The following ANTXR2 variants were observed in gnomAD, a reference collection of about 807,000 sequenced individuals.
ANTXR2 encodes the protein ANTXR cell adhesion molecule 2.
ANTXR2 carries 44 observed loss-of-function variants against 73.7 expected under a neutral mutation model. That is an observed-to-expected ratio of 0.60 (90% confidence interval 0.47 to 0.77). The LOEUF is 0.77. Ranked by LOEUF, ANTXR2 falls within the 30% of genes least tolerant of loss-of-function variation. The pLI is 0.00. For synonymous variants in ANTXR2, 217 were observed against 205.9 expected (o/e 1.05, Z -0.46); for missense variants, 604 against 592.5 (o/e 1.02, Z -0.20).
intron 16 of ANTXR2, among the ~76,000 whole-genome samples, chr4:79,925,287 C>CTT (rs34138950): frequency 0.12 from 17,288 of 143,894 alleles, 2,226 homozygotes; most frequent in East Asian, 0.66. Context: ...TCACTCTTTC[C>CTT]TTTTTTTTTT....
chr4:79,957,127 T>C (rs1728919585), intron 16 of ANTXR2, among the ~76,000 whole-genome samples: 1 of 152,130 alleles, frequency 6.6e-6, no homozygotes, highest in South Asian at 2.1e-4. Context: ...AACATTGAGA[T>C]AGGGCTAAGC....
chr4:79,931,094 G>C (rs555788110), intron 16 of ANTXR2, among the ~76,000 whole-genome samples: 1 of 152,140 alleles, frequency 6.6e-6, no homozygotes, highest in South Asian at 2.1e-4. Context: ...CAATTCGAGT[G>C]GTCTACCAAA....
At chr4:79,921,145 T>C (rs1001509743) in intron 16 of ANTXR2, among the ~76,000 whole-genome samples, 1 of 152,108 alleles carries the variant, frequency 6.6e-6, no homozygotes, top group African/African-American at 2.4e-5. Context: ...TAACACCACA[T>C]AGCAAAAAGT....
rs994630670 is a variant in ANTXR2 at position 79,903,450 on chromosome 4, T to A, written c.*3979A>T. 6.6e-6 allele frequency: 1 copy of A among 152,164 alleles called. No individual in the cohort carries two copies. The highest frequency in any genetic ancestry group is 1.5e-5 in the Non-Finnish European group (1 of 68,032). 9.4% of individuals were successfully genotyped at this position (152,164 alleles called of 1,614,324 possible). ...AAGCATATTTTTATACAAATTTACA[T>A]GTTGTACTGTGTACTTACTTATCAG... On this transcript the variant is annotated 3_prime_UTR_variant, in exon 17 of 17. Transcript: ENST00000403729.
At chr4:79,998,817 G>T (rs528502017) in intron 12 of ANTXR2, among the ~76,000 whole-genome samples, 1 of 152,036 alleles carries the variant, frequency 6.6e-6, no homozygotes, top group South Asian at 2.1e-4. Flanking sequence ...TCCCTTCATG[G>T]AACAGTTTGA....
At chr4:79,994,586 TCCTC>T (rs538552040) in intron 12 of ANTXR2, among the ~76,000 whole-genome samples, 1 of 151,642 alleles carries the variant, frequency 6.6e-6, no homozygotes, top group Non-Finnish European at 1.5e-5. Context: ...CCAACCCTGT[TCCTC>T]CTGAGAATTA....
chr4:80,052,045 G>A (rs1289770057), intron 7 of ANTXR2, among the ~76,000 whole-genome samples: 1 of 151,396 alleles, frequency 6.6e-6, no homozygotes, highest in East Asian at 1.9e-4. Context: ...AAAAAACAAT[G>A]AGCAGGAAAA....
Position 80,031,688 on chromosome 4 carries a change from T to G in ANTXR2, c.801A>C (p.Val267=), listed in dbSNP as rs765514410. ...YTVNETYTTS[V]KPVSVQLNSM... ...AATTAAGCTGTACACTTACTGGTTT[T>G]ACACCTAGAAAATAAAATGCCACTG... is the stretch of plus-strand genomic sequence containing the variant. Residue 267 remains valine (V), a synonymous_variant, in exon 10 of 17, where the codon GTA becomes GTC. Transcript: ENST00000403729. The G allele has an allele frequency of 5.4e-6, 8 of 1,487,586 alleles. No individual in the cohort carries two copies. The highest frequency in any genetic ancestry group is 7.1e-6 in the Non-Finnish European group (8 of 1,123,428). 92.1% of individuals were successfully genotyped at this position (1,487,586 alleles called of 1,614,324 possible).
intron 10 of ANTXR2, among the ~76,000 whole-genome samples, chr4:80,027,249 T>A (rs1427313748): frequency 6.6e-6 from 1 of 152,138 alleles, no homozygotes. Flanking sequence ...GATAGAAGTA[T>A]ACTTTTGGAA....
At chr4:79,913,562 C>A (rs1320210775) in intron 16 of ANTXR2, among the ~76,000 whole-genome samples, 3 of 152,074 alleles carry the variant, frequency 2.0e-5, no homozygotes, top group Non-Finnish European at 4.4e-5. Flanking sequence ...ACCACATACC[C>A]AATATCTAGG....
At chr4:79,961,790 T>C (rs1045420665) in intron 16 of ANTXR2, among the ~76,000 whole-genome samples, 1 of 152,156 alleles carries the variant, frequency 6.6e-6, no homozygotes, top group East Asian at 1.9e-4. Context: ...GAAAAGAAGT[T>C]ACATTTCTAA....
chr4:80,022,685 A>C (rs986651814), intron 10 of ANTXR2, among the ~76,000 whole-genome samples: 9 of 152,228 alleles, frequency 5.9e-5, no homozygotes, highest in African/African-American at 2.2e-4. Context: ...GCTCAGTAAC[A>C]GAGGCTTTCT....
At chr4:79,924,891 T>C (rs1457212396) in intron 16 of ANTXR2, among the ~76,000 whole-genome samples, 8 of 152,090 alleles carry the variant, frequency 5.3e-5, no homozygotes, top group Non-Finnish European at 1.0e-4. Context: ...ATAATAAAAA[T>C]TGTGCTGAAC....
At chr4:79,923,261 G>A (rs998048429) in intron 16 of ANTXR2, among the ~76,000 whole-genome samples, 3 of 152,060 alleles carry the variant, frequency 2.0e-5, no homozygotes, top group Non-Finnish European at 4.4e-5. Context: ...TACAATGGTC[G>A]ACTTGTCTAA....
intron 10 of ANTXR2, among the ~76,000 whole-genome samples, chr4:80,020,950 C>A (rs973826118): frequency 6.6e-6 from 1 of 151,746 alleles, no homozygotes; most frequent in Non-Finnish European, 1.5e-5. Context: ...AGATTGAGAC[C>A]ATCCTGGCTA....
At chr4:80,006,203 T>C (rs1046560312) in intron 12 of ANTXR2, among the ~76,000 whole-genome samples, 2 of 152,064 alleles carry the variant, frequency 1.3e-5, no homozygotes, top group African/African-American at 4.8e-5. Flanking sequence ...TCAGTTACCT[T>C]CCATTTACAC....
At chr4:79,953,442 C>T (rs1022386279) in intron 16 of ANTXR2, among the ~76,000 whole-genome samples, 1 of 152,008 alleles carries the variant, frequency 6.6e-6, no homozygotes, top group African/African-American at 2.4e-5. Flanking sequence ...ATTCTGAAAA[C>T]TAGATTTTAA....
chr4:79,937,330 T>A (rs1229525885), intron 16 of ANTXR2, among the ~76,000 whole-genome samples: 1 of 152,084 alleles, frequency 6.6e-6, no homozygotes, highest in Non-Finnish European at 1.5e-5. Context: ...AGAAAAAAAA[T>A]TTTTGGAAGA....
At chr4:79,915,163 A>T (rs2109934321) in intron 16 of ANTXR2, among the ~76,000 whole-genome samples, 1 of 152,318 alleles carries the variant, frequency 6.6e-6, no homozygotes, top group Non-Finnish European at 1.5e-5. Context: ...TGCCCTGAAG[A>T]AAAATGTCTG....
Sources: gnomAD v4.1 joint callset for allele counts (sites outside exome capture counted in the v4.1 genomes callset) on GRCh38, gnomAD v4.1.1 for gene constraint, MANE v1.5 for transcripts, NCBI Gene and HGNC (gene_info 2026-07-23, HGNC 2026-07-21) for gene names.